The following TFDP2 variants were observed in gnomAD, a reference collection of about 807,000 sequenced individuals.
TFDP2 encodes transcription factor Dp-2 (E2F dimerization partner 2).
TFDP2 carries 17 observed loss-of-function variants against 59.3 expected under a neutral mutation model. That is an observed-to-expected ratio of 0.29 (90% CI 0.20 to 0.43). The LOEUF (loss-of-function observed/expected upper bound fraction) is 0.43. TFDP2 is among the 20% of genes least tolerant of loss of function. The pLI is 1.00. For synonymous variants in TFDP2, 180 were observed against 194.7 expected, an observed-to-expected ratio of 0.92 and a Z score of 0.63; for missense variants, 391 against 528.8, an observed-to-expected ratio of 0.74 and a Z score of 2.56.
rs527375268 is a variant in TFDP2 at position 142,131,770 on chromosome 3, C to T, written c.-93+17413G>A. Reference sequence around the variant, plus strand: ...CCTGTAATCCCAGCATTTTGAGAGGCCGAGGCGGGCAGACCACCTGAGGTC... The same window carrying T: ...CCTGTAATCCCAGCATTTTGAGAGGTCGAGGCGGGCAGACCACCTGAGGTC... On this transcript the variant is annotated intron_variant, in intron 1 of 12. Transcript: ENST00000489671. Among the ~76,000 whole-genome samples the T allele has an allele frequency of 1.3e-5, 2 of 150,034 alleles. 1 individual carries two copies. The highest frequency in any genetic ancestry group is 5.0e-5 in the African/African-American group (2 of 39,648).
At chr3:142,126,860 C>A (rs2062273790) in intron 1 of TFDP2, among the ~76,000 whole-genome samples, 1 of 150,656 alleles carries the variant, frequency 6.6e-6, no homozygotes, top group Non-Finnish European at 1.5e-5. Context: ...GCAGGAGAAT[C>A]GCTTGAACCC....
At chr3:142,005,795 C>T (rs923327413) in intron 3 of TFDP2, among the ~76,000 whole-genome samples, 2 of 151,986 alleles carry the variant, frequency 1.3e-5, no homozygotes, top group African/African-American at 2.4e-5. Flanking sequence ...TAAATAGTTC[C>T]AATTATCTGA....
At chr3:142,010,122 A>T (rs1944542058) in intron 3 of TFDP2, among the ~76,000 whole-genome samples, 1 of 152,238 alleles carries the variant, frequency 6.6e-6, no homozygotes, top group Admixed American at 6.5e-5. Context: ...CTTAGAAGAC[A>T]AATGTCAGGC....
At chr3:142,149,021 G>C (rs908884780) in intron 1 of TFDP2, among the ~76,000 whole-genome samples, 162 bp downstream of exon 1, 1 of 152,182 alleles carries the variant, frequency 6.6e-6, no homozygotes, top group Non-Finnish European at 1.5e-5. Context: ...AGACACTCAC[G>C]GGTTACCCGG....
In TFDP2 at chr3:141,952,594, G is replaced by C. The variant is rs751382334; in HGVS notation, c.1260C>G (p.Ser420=). The C allele has an allele frequency of 1.3e-6, 2 of 1,576,606 alleles. No homozygotes were observed. The highest frequency in any genetic ancestry group is 1.7e-6 in the Non-Finnish European group (2 of 1,170,332). Residue 420 remains serine, a synonymous_variant, in exon 13 of 13, where the codon TCC becomes TCG. Coordinates refer to ENST00000489671, the MANE Select transcript of TFDP2 (RefSeq NM_001178139.2). ...HQSSSAASHC[S]ESRGETPCSF... is the part of the protein sequence containing the mutation. ...AACAGGGGGTCTCGCCTCGGGACTC[G>C]GAGCAGTGAGAGGCCGCACTGCTGG...
chr3:142,132,602 G>C lies in TFDP2; in HGVS notation c.-93+16581C>G, dbSNP rs191082645. Among the ~76,000 whole-genome samples the C allele has an allele frequency of 1.2e-3, 175 of 148,922 alleles. 23 individuals are homozygous for C. Among genetic ancestry groups the C allele is most frequent in the African/African-American group, 4.5e-3 (173 of 38,838 alleles). On this transcript the variant is annotated intron_variant, in intron 1 of 12. Transcript: ENST00000489671. Reference sequence around the variant, plus strand: ...CTAGAAAAAATACAAAAAATTAGCCGGGCATGGTGGTAAGCGCCTGTAGTT... The same window carrying C: ...CTAGAAAAAATACAAAAAATTAGCCCGGCATGGTGGTAAGCGCCTGTAGTT...
chr3:142,050,639 T>C (rs1947578457), intron 3 of TFDP2, among the ~76,000 whole-genome samples: 1 of 152,024 alleles, frequency 6.6e-6, no homozygotes, highest in African/African-American at 2.4e-5. Context: ...GAGCTTGCAG[T>C]GAGTCACGAT....
chr3:142,070,938 G>C (rs989048371), intron 3 of TFDP2, among the ~76,000 whole-genome samples: 1 of 152,148 alleles, frequency 6.6e-6, no homozygotes, highest in Non-Finnish European at 1.5e-5. Flanking sequence ...TTAGATGCAA[G>C]GGATGAACAG....
chr3:142,032,602 T>C (rs1233843178), intron 3 of TFDP2, among the ~76,000 whole-genome samples: 1 of 152,220 alleles, frequency 6.6e-6, no homozygotes, highest in African/African-American at 2.4e-5. Flanking sequence ...TCTCTGTTTA[T>C]ATATCCCATA....
chr3:142,130,634 G>A (rs775832400), intron 1 of TFDP2, among the ~76,000 whole-genome samples: 5 of 151,884 alleles, frequency 3.3e-5, no homozygotes, highest in African/African-American at 1.2e-4. Context: ...ATGCGATCCC[G>A]GGAATTATTG....
intron 7 of TFDP2, among the ~76,000 whole-genome samples, chr3:141,976,935 G>A (rs1349517640): frequency 2.0e-5 from 3 of 150,230 alleles, no homozygotes; most frequent in African/African-American, 7.3e-5. Context: ...AAACTTTAAA[G>A]CAACAAACAA....
chr3:141,988,097 C>T (rs1942330071), intron 6 of TFDP2, among the ~76,000 whole-genome samples: 1 of 152,032 alleles, frequency 6.6e-6, no homozygotes, highest in South Asian at 2.1e-4. Context: ...AGGAGTATAC[C>T]ACCATGCCTG....
chr3:142,032,315 G>A (rs1005988933), intron 3 of TFDP2, among the ~76,000 whole-genome samples: 2 of 152,050 alleles, frequency 1.3e-5, no homozygotes, highest in Non-Finnish European at 2.9e-5. Flanking sequence ...TGTTGCCCAG[G>A]CTGAACTCCT....
Position 142,086,657 on chromosome 3 carries a change from A to T in TFDP2, c.82+6404T>A, listed in dbSNP as rs954466261. Among the ~76,000 whole-genome samples the T allele has an allele frequency of 3.3e-5, 5 of 152,168 alleles. 1 individual carries two copies. The South Asian group carries it at 1.0e-3, about 31-fold the overall frequency. On this transcript the variant is annotated intron_variant, in intron 3 of 12. Coordinates refer to ENST00000489671, the MANE Select transcript of TFDP2 (RefSeq NM_001178139.2). Reference sequence around the variant, plus strand: ...AGTTGGGGTGTGCCACCCTCCTGACACATGGGTGTCTACACCAACCTGGAA... The same window carrying T: ...AGTTGGGGTGTGCCACCCTCCTGACTCATGGGTGTCTACACCAACCTGGAA...
In TFDP2 at chr3:142,135,190, T is replaced by C. The variant is rs534393457; in HGVS notation, c.-93+13993A>G. ...GCAGGATCATAGCATACTACAGCCT[T>C]GAATCCCTGGGCTCAAGCAATCCTC... On this transcript the variant is annotated intron_variant, in intron 1 of 12. Transcript: ENST00000489671. 3.3e-5 allele frequency among the ~76,000 whole-genome samples: 5 copies of C among 152,154 alleles called. No homozygotes were observed. In the South Asian group the frequency reaches 8.3e-4, roughly 25 times the overall value.
chr3:141,969,033 CATATATAG>C (rs1939041064), intron 9 of TFDP2, among the ~76,000 whole-genome samples: 1 of 65,898 alleles, frequency 1.5e-5, no homozygotes, highest in African/African-American at 6.1e-5. Flanking sequence ...ACATATATCT[CATATATAG>C]ATATATATAT....
intron 3 of TFDP2, among the ~76,000 whole-genome samples, chr3:142,046,497 G>A (rs1297791356): frequency 6.6e-6 from 1 of 152,150 alleles, no homozygotes; most frequent in Non-Finnish European, 1.5e-5. Context: ...CAGAGCTGTG[G>A]TCACTAAGGG....
At position 142,127,328 on chromosome 3, in the gene TFDP2, G is replaced by A. The variant is rs1191973147; in HGVS notation, c.-93+21855C>T. ...CTTTTTTTTTTTTTTTTTTTTTTGA[G>A]ACAGAGTCTCGCTGTGTTGCCAGCC... On this transcript the variant is annotated intron_variant, in intron 1 of 12. Coordinates refer to ENST00000489671, the MANE Select transcript of TFDP2 (RefSeq NM_001178139.2). 2.0e-3 allele frequency among the ~76,000 whole-genome samples: 218 copies of A among 108,702 alleles called. 3 individuals are homozygous for A. The highest frequency in any genetic ancestry group is 7.0e-3 in the African/African-American group (206 of 29,232). The allele number at this position is 108,702 out of a possible 152,430, so 71.3% of individuals were successfully genotyped here. A position where few individuals can be genotyped will look rare whatever the true frequency, so the allele number is the denominator to read the frequency against.
At chr3:142,044,670 C>T (rs1182814225) in intron 3 of TFDP2, among the ~76,000 whole-genome samples, 4 of 152,068 alleles carry the variant, frequency 2.6e-5, no homozygotes, top group African/African-American at 9.7e-5. Flanking sequence ...CGTGCCCGGC[C>T]CTAAATAATT....
Sources: gnomAD v4.1 joint callset for allele counts (sites outside exome capture counted in the v4.1 genomes callset) on GRCh38, gnomAD v4.1.1 for gene constraint, MANE v1.5 for transcripts, NCBI Gene and HGNC (gene_info 2026-07-23, HGNC 2026-07-21) for gene names.